The following DGKG variants were observed in gnomAD, a reference collection of about 807,000 sequenced individuals.
DGKG encodes diacylglycerol kinase gamma, also known as DAG kinase gamma.
DGKG carries 78 observed loss-of-function variants against 105.3 expected under a neutral mutation model. That is an observed-to-expected ratio of 0.74 (90% confidence interval 0.62 to 0.89). The LOEUF (loss-of-function observed/expected upper bound fraction) is 0.89. Among genes scored for constraint, DGKG ranks in the 40% least tolerant of loss-of-function variants. The pLI is 0.00. For synonymous variants in DGKG, 346 were observed against 367.1 expected, an observed-to-expected ratio of 0.94 and a Z score of 0.66; for missense variants, 958 against 1,020.1, an observed-to-expected ratio of 0.94 and a Z score of 0.83.
chr3:186,167,795 A>G (rs1453477799), intron 22 of DGKG, among the ~76,000 whole-genome samples: 3 of 152,014 alleles, frequency 2.0e-5, no homozygotes, highest in Non-Finnish European at 2.9e-5. Flanking sequence ...TCACTCACTC[A>G]CTCACTCATT....
intron 3 of DGKG, among the ~76,000 whole-genome samples, chr3:186,299,840 T>TCTTCCTTTC (rs1553815789): frequency 1.2e-5 from 1 of 80,726 alleles, no homozygotes; most frequent in East Asian, 3.3e-4. Context: ...TTTCTTTCTT[T>TCTTCCTTTC]TTTTTTTTTT....
In DGKG at chr3:186,210,958, A is replaced by C. The variant is rs963042315; in HGVS notation, c.1917+837T>G. On this transcript the variant is annotated intron_variant, in intron 21 of 24. Coordinates refer to ENST00000265022, the MANE Select transcript of DGKG (RefSeq NM_001346.3). The surrounding 1 kb of genome is among the most constrained non-coding windows in gnomAD (Gnocchi z 5.2). ...GCTTTCAGGTGGCCAGACACCAAGG[A>C]GCTGTCCTCATGGCAATCAATGAGA... Among the ~76,000 whole-genome samples the C allele has an allele frequency of 6.6e-6, 1 of 152,156 alleles. No individual in the cohort carries two copies. The highest frequency in any genetic ancestry group is 1.5e-5 in the Non-Finnish European group (1 of 68,030).
intron 19 of DGKG, among the ~76,000 whole-genome samples, chr3:186,247,290 G>A (rs577436047): frequency 5.6e-4 from 85 of 151,936 alleles, no homozygotes; most frequent in Middle Eastern, 3.4e-3. Context: ...TATTAAATGG[G>A]TTCTGTTGGC....
At position 186,259,522 on chromosome 3, in the gene DGKG, A is replaced by G. The variant is rs75482613; in HGVS notation, c.1424+917T>C. ...GCCTTGTACTACCGCTGCCATAAAC[A>G]ATAGCTTTGGTGTCAGCCAACCAAA... On this transcript the variant is annotated intron_variant, in intron 16 of 24. Transcript: ENST00000265022. Among the ~76,000 whole-genome samples the G allele has an allele frequency of 4.3e-3, 653 of 152,264 alleles. 6 individuals are homozygous for G. Among genetic ancestry groups the G allele is most frequent in the African/African-American group, 0.015 (626 of 41,552 alleles).
chr3:186,199,211 A>C (rs1428798077), intron 21 of DGKG, among the ~76,000 whole-genome samples: 1 of 151,840 alleles, frequency 6.6e-6, no homozygotes, highest in African/African-American at 2.4e-5. Context: ...AGCCTCCCAA[A>C]GTGCTGGGAT....
At chr3:186,238,172 C>A (rs569680914) in intron 20 of DGKG, among the ~76,000 whole-genome samples, 1 of 151,456 alleles carries the variant, frequency 6.6e-6, no homozygotes, top group South Asian at 2.1e-4. Context: ...TGGTGTGTGC[C>A]TTTAATCCCA....
At chr3:186,195,369 C>T (rs907863956) in intron 21 of DGKG, among the ~76,000 whole-genome samples, 4 of 151,978 alleles carry the variant, frequency 2.6e-5, no homozygotes, top group Admixed American at 6.6e-5. Flanking sequence ...AATAAGTATC[C>T]AGTAGTTGTT....
At chr3:186,271,796 CAT>C (rs2108585352) in intron 11 of DGKG, among the ~76,000 whole-genome samples, 1 of 152,316 alleles carries the variant, frequency 6.6e-6, no homozygotes, top group African/African-American at 2.4e-5. Context: ...TGCCTTTACA[CAT>C]GAGGCTTCCT....
rs565403061 is a variant in DGKG at position 186,353,563 on chromosome 3, A to ATG, written c.-249+8381_-249+8382dup. 6.1e-4 allele frequency among the ~76,000 whole-genome samples: 74 copies of ATG among 122,142 alleles called. 1 individual carries two copies. The highest frequency in any genetic ancestry group is 3.0e-3 in the South Asian group (12 of 3,990). 80.1% of individuals were successfully genotyped at this position (122,142 alleles called of 152,430 possible). On this transcript the variant is annotated intron_variant, in intron 1 of 24. Transcript: ENST00000265022. ...CACACTTTTATATATACTTTTATGT[A>ATG]TGTATATATATATATATATATATAT...
intron 1 of DGKG, among the ~76,000 whole-genome samples, chr3:186,322,881 A>G (rs1161984231): frequency 4.6e-5 from 7 of 152,182 alleles, no homozygotes; most frequent in Non-Finnish European, 2.9e-5. Context: ...TGCCCAGGTC[A>G]GAGGCAGGAG....
At chr3:186,314,669 G>T (rs189729281) in intron 2 of DGKG, among the ~76,000 whole-genome samples, 3 of 150,832 alleles carry the variant, frequency 2.0e-5, no homozygotes, top group East Asian at 1.9e-4. Flanking sequence ...CAGGAGAAAC[G>T]CTTGAACCCG....
intron 2 of DGKG, among the ~76,000 whole-genome samples, chr3:186,307,790 C>T (rs753982443): frequency 6.6e-6 from 1 of 151,886 alleles, no homozygotes; most frequent in African/African-American, 2.4e-5. Flanking sequence ...GGGCATTAAA[C>T]CCCATAAGGC....
intron 19 of DGKG, 43 bp from the exon 20 acceptor site, chr3:186,242,611 T>C (rs201290278): frequency 1.9e-6 from 3 of 1,585,146 alleles, no homozygotes; most frequent in Middle Eastern, 1.7e-4. Flanking sequence ...TGAGTGGTCA[T>C]GACAGTGCAG....
intron 1 of DGKG, among the ~76,000 whole-genome samples, chr3:186,329,359 G>C (rs1002881340): frequency 1.3e-5 from 2 of 152,122 alleles, no homozygotes; most frequent in Non-Finnish European, 2.9e-5. Flanking sequence ...TATTTGTTCT[G>C]TACGGATGTC....
chr3:186,354,971 A>G (rs1272232975), intron 1 of DGKG, among the ~76,000 whole-genome samples: 1 of 152,144 alleles, frequency 6.6e-6, no homozygotes, highest in Non-Finnish European at 1.5e-5. Context: ...ATGACGCCAG[A>G]AATTCTTAGA....
At chr3:186,209,385 A>T (rs778333699) in intron 21 of DGKG, among the ~76,000 whole-genome samples, 3 of 152,092 alleles carry the variant, frequency 2.0e-5, no homozygotes, top group Non-Finnish European at 2.9e-5. Context: ...TACAAGTGTG[A>T]GCCACTGCAC....
chr3:186,311,388 A>T (rs1724535267), intron 2 of DGKG, among the ~76,000 whole-genome samples: 1 of 152,204 alleles, frequency 6.6e-6, no homozygotes, highest in South Asian at 2.1e-4. Context: ...AGTGGACAAC[A>T]CCAAAGAACT....
chr3:186,297,923 G>A, intron 4 of DGKG, 141 bp downstream of exon 4: 1 of 915,342 alleles, frequency 1.1e-6, no homozygotes, highest in East Asian at 2.6e-5. Context: ...TATGAGGAAA[G>A]GCGTCCCTGT....
intron 21 of DGKG, 49 bp downstream of exon 21, chr3:186,211,746 A>G: frequency 7.3e-7 from 1 of 1,377,138 alleles, no homozygotes; most frequent in Non-Finnish European, 1.0e-6. Context: ...GTGACAGTCC[A>G]GGAGCAGAAC....
Sources: gnomAD v4.1 joint callset for allele counts (sites outside exome capture counted in the v4.1 genomes callset) on GRCh38, gnomAD v4.1.1 for gene constraint, Gnocchi (gnomAD v3.1) non-coding constraint, MANE v1.5 for transcripts, NCBI Gene and HGNC (gene_info 2026-07-23, HGNC 2026-07-21) for gene names.